ABCE1: variants seen among roughly 807,000 people sequenced by gnomAD.
ABCE1 encodes the protein ATP binding cassette subfamily E member 1, also known as ATP-binding cassette sub-family E member 1.
A neutral mutation model predicts 83.4 loss-of-function variants in ABCE1; 22 were observed. The ratio of observed to expected loss-of-function variants is 0.26; its 90% confidence interval spans 0.19 to 0.38. The LOEUF (loss-of-function observed/expected upper bound fraction) is 0.38, where lower values mean the gene tolerates loss of function less well. Ranked by LOEUF, ABCE1 falls within the 10% of genes least tolerant of loss-of-function variation. The probability of loss-of-function intolerance (pLI) is 1.00; values close to 1 mark genes in which losing one functional copy is unlikely to be tolerated. For synonymous variants in ABCE1, 204 were observed against 233.7 expected (o/e 0.87, Z 1.16); for missense variants, 330 against 721.9 (o/e 0.46, Z 6.22).
In ABCE1 at chr4:145,121,198, G is replaced by A; in HGVS notation, c.1169G>A (p.Arg390Lys). 1 of 1,613,680 alleles carries A rather than the reference G, an allele frequency of 6.2e-7. No homozygotes were observed. Among genetic ancestry groups the A allele is most frequent in the South Asian group, 1.1e-5 (1 of 91,066 alleles). ...ENGTGKTTFI[R>K]MLAGRLKPDE... Reference sequence around the variant, plus strand: ...GGAACGGGTAAAACGACATTTATCAGAATGCTTGCTGGAAGACTTAAACCT... The same window carrying A: ...GGAACGGGTAAAACGACATTTATCAAAATGCTTGCTGGAAGACTTAAACCT... The change falls in exon 12 of 18, where the codon AGA becomes AAA. Residue 390 changes from arginine (R) to lysine (K), a missense_variant. By Grantham distance (26) the Arg-to-Lys change is conservative. Coordinates refer to ENST00000296577, the MANE Select transcript of ABCE1 (RefSeq NM_002940.3).
At chr4:145,121,298 G>T in intron 12 of ABCE1, 35 bp from the exon 13 acceptor site, 1 of 1,612,158 alleles carries the variant, frequency 6.2e-7, no homozygotes, top group Non-Finnish European at 8.5e-7. Context: ...GATCTGGGCA[G>T]TTTTTAGTGT....
At chr4:145,103,240 T>G (rs1180073315) in intron 1 of ABCE1, among the ~76,000 whole-genome samples, 3 of 152,106 alleles carry the variant, frequency 2.0e-5, no homozygotes, top group African/African-American at 4.8e-5. Context: ...AGGGAAGCAG[T>G]CTATTAAAAA....
At chr4:145,106,932 C>G (rs1222935459) in intron 3 of ABCE1, among the ~76,000 whole-genome samples, 1 of 152,090 alleles carries the variant, frequency 6.6e-6, no homozygotes, top group African/African-American at 2.4e-5. Flanking sequence ...CCTGGAATCT[C>G]TAAACACGGA....
intron 17 of ABCE1, among the ~76,000 whole-genome samples, 158 bp downstream of exon 17, chr4:145,125,259 C>G (rs1257626533): frequency 6.6e-6 from 1 of 152,004 alleles, no homozygotes; most frequent in Non-Finnish European, 1.5e-5. Flanking sequence ...CTTGAGGTCA[C>G]GAGTTTGAGA....
intron 1 of ABCE1, among the ~76,000 whole-genome samples, chr4:145,100,852 A>G (rs1308003743): frequency 6.6e-6 from 1 of 152,160 alleles, no homozygotes; most frequent in Non-Finnish European, 1.5e-5. Flanking sequence ...ATTATTTACT[A>G]TATTTAAATT....
intron 5 of ABCE1, 61 bp downstream of exon 5, chr4:145,109,310 G>C (rs1477331602): frequency 1.1e-6 from 1 of 885,056 alleles, no homozygotes; most frequent in Non-Finnish European, 1.7e-6. Flanking sequence ...ATTTTGGGGG[G>C]ATGATATGTA....
intron 1 of ABCE1, among the ~76,000 whole-genome samples, chr4:145,099,654 T>G (rs1273188978): frequency 6.6e-6 from 1 of 152,216 alleles, no homozygotes; most frequent in Non-Finnish European, 1.5e-5. Flanking sequence ...CTCTTTGAAA[T>G]CAGAGCCGTG....
At position 145,120,143 on chromosome 4, in the gene ABCE1, G is replaced by C. The variant is rs1260630490; in HGVS notation, c.1134G>C (p.Leu378=). 1 of 1,600,976 alleles carries C rather than the reference G, an allele frequency of 6.2e-7. No homozygotes were observed. Among genetic ancestry groups the C allele is most frequent in the Admixed American group, 1.8e-5 (1 of 56,300 alleles). The change falls in exon 11 of 18, where the codon CTG becomes CTC. Residue 378 remains leucine, a synonymous_variant. Transcript: ENST00000296577. ...CAGATTCTGAAATTATGGTGATGCT[G>C]GGGGAAAATGGTAAGTTTTCTGTTT... The part of the protein sequence containing the change: ...EFTDSEIMVM[L]GENGTGKTTF...
At chr4:145,112,544 T>C (rs779220647) in intron 9 of ABCE1, among the ~76,000 whole-genome samples, 1 of 152,176 alleles carries the variant, frequency 6.6e-6, no homozygotes, top group Non-Finnish European at 1.5e-5. Context: ...TTAGGAATAT[T>C]CTGAAATTAT....
At chr4:145,123,702 C>G (rs1579223691) in intron 16 of ABCE1, 102 bp downstream of exon 16, 1 of 1,205,584 alleles carries the variant, frequency 8.3e-7, no homozygotes, top group South Asian at 1.6e-5. Context: ...GCTAGAAATT[C>G]TAGACTTGAT....
At chr4:145,099,157 C>G (rs1749024494) in intron 1 of ABCE1, among the ~76,000 whole-genome samples, 1 of 152,164 alleles carries the variant, frequency 6.6e-6, no homozygotes, top group Admixed American at 6.5e-5. Flanking sequence ...CCTTTATTAT[C>G]TCTTCAGGGC....
chr4:145,118,734 A>G (rs1749668238), intron 10 of ABCE1, among the ~76,000 whole-genome samples: 1 of 151,918 alleles, frequency 6.6e-6, no homozygotes, highest in East Asian at 1.9e-4. Flanking sequence ...AAACAGCTTA[A>G]GAAACTTTAG....
At position 145,112,216 on chromosome 4, in the gene ABCE1, CTTTTTTTTT is replaced by C. The variant is rs4148239; in HGVS notation, c.711-14_711-6del. 2.4e-5 allele frequency: 27 copies of C among 1,130,616 alleles called. No homozygotes were observed. The highest frequency in any genetic ancestry group is 9.8e-5 in the South Asian group (6 of 61,224). 70.0% of individuals were successfully genotyped at this position (1,130,616 alleles called of 1,614,324 possible). A position where few individuals can be genotyped will look rare whatever the true frequency, so the allele number is the denominator to read the frequency against. On this transcript the variant is annotated splice_polypyrimidine_tract_variant and intron_variant, in intron 8 of 17. Coordinates refer to ENST00000296577, the MANE Select transcript of ABCE1 (RefSeq NM_002940.3). ...GTCTTGTCTTTCAAACTTATATTTG[CTTTTTTTTT>C]TTTTTTTTCATAGTTTCATGTTTGA...
intron 8 of ABCE1, 23 bp from the exon 9 acceptor site, chr4:145,112,216 C>CTTTTTTTTTTTTTTTTTTTATTTTTTTT: frequency 8.8e-7 from 1 of 1,130,232 alleles, no homozygotes; most frequent in Non-Finnish European, 1.2e-6. Context: ...CTTATATTTG[C>CTTTTTTTTTTTTTTTTTTTATTTTTTTT]TTTTTTTTTT....
In ABCE1 at chr4:145,109,268, T is replaced by C; in HGVS notation, c.405+19T>C. On this transcript the variant is annotated intron_variant, in intron 5 of 17. Transcript: ENST00000296577. ...GTACGATGTATGTATTATCACCTTGTAAAAATTAATATCATGAGTCAGTTT... is the reference window on the plus strand; with the variant it reads ...GTACGATGTATGTATTATCACCTTGCAAAAATTAATATCATGAGTCAGTTT... 1 of 1,402,220 alleles carries C rather than the reference T, an allele frequency of 7.1e-7. No homozygotes were observed. The highest frequency in any genetic ancestry group is 9.8e-7 in the Non-Finnish European group (1 of 1,016,168). 86.9% of individuals were successfully genotyped at this position (1,402,220 alleles called of 1,614,324 possible). A position where few individuals can be genotyped will look rare whatever the true frequency, so the allele number is the denominator to read the frequency against.
intron 11 of ABCE1, 106 bp downstream of exon 11, chr4:145,120,259 C>CA (rs1749708643): frequency 1.0e-6 from 1 of 975,400 alleles, no homozygotes; most frequent in South Asian, 1.6e-5. Flanking sequence ...GGGCTAGAAG[C>CA]AGAGTTTTAT....
intron 17 of ABCE1, among the ~76,000 whole-genome samples, chr4:145,125,491 AC>A (rs1749856085): frequency 6.6e-6 from 1 of 152,128 alleles, no homozygotes; most frequent in Non-Finnish European, 1.5e-5. Context: ...AAATTAAAAA[AC>A]AACCATATTT....
At chr4:145,107,317 A>G (rs1031745236) in intron 3 of ABCE1, among the ~76,000 whole-genome samples, 42 of 152,270 alleles carry the variant, frequency 2.8e-4, no homozygotes, top group African/African-American at 9.4e-4. Context: ...GATAAGATCC[A>G]TGACCTCAAA....
At chr4:145,116,320 T>C (rs1050546919) in intron 9 of ABCE1, among the ~76,000 whole-genome samples, 1 of 151,372 alleles carries the variant, frequency 6.6e-6, no homozygotes, top group Admixed American at 6.6e-5. Flanking sequence ...CTAAAGAAAA[T>C]GAGATATGAA....
Sources: allele counts gnomAD v4.1 joint callset (sites outside exome capture counted in the v4.1 genomes callset), GRCh38; gene constraint gnomAD v4.1.1; transcripts MANE v1.5; gene names NCBI Gene and HGNC (gene_info 2026-07-23, HGNC 2026-07-21).